Variants in SPOCK1 observed in about 807,000 individuals in gnomAD.
SPOCK1 encodes the protein testican-1.
SPOCK1 carries 23 observed loss-of-function variants against 55.3 expected under a neutral mutation model. The ratio of observed to expected loss-of-function variants is 0.42; its 90% confidence interval spans 0.30 to 0.59. The LOEUF is 0.59. Ranked by LOEUF, SPOCK1 falls within the 20% of genes least tolerant of loss-of-function variation. The pLI is 0.22. For synonymous variants in SPOCK1, 226 were observed against 221.0 expected (o/e 1.02, Z -0.20); for missense variants, 499 against 552.5 (o/e 0.90, Z 0.97).
intron 2 of SPOCK1, among the ~76,000 whole-genome samples, chr5:137,330,101 T>C (rs1436385308): frequency 2.6e-5 from 4 of 152,160 alleles, no homozygotes; most frequent in Non-Finnish European, 5.9e-5. Context: ...TATTTCATCA[T>C]GACGAGCTGC....
intron 2 of SPOCK1, among the ~76,000 whole-genome samples, chr5:137,283,749 G>A (rs1331971112): frequency 1.3e-5 from 2 of 151,836 alleles, no homozygotes; most frequent in Non-Finnish European, 2.9e-5. Context: ...AAAAAAACTA[G>A]TGTAGAGGTA....
chr5:137,408,745 C>A (rs1281563437), intron 2 of SPOCK1, among the ~76,000 whole-genome samples: 1 of 152,168 alleles, frequency 6.6e-6, no homozygotes, highest in Non-Finnish European at 1.5e-5. Flanking sequence ...CCAGCCTCCA[C>A]CAACAGCCAA....
Position 137,056,595 on chromosome 5 carries a change from TA to T in SPOCK1, c.589+11119del, listed in dbSNP as rs1463278670. Among the ~76,000 whole-genome samples the T allele has an allele frequency of 6.1e-4, 88 of 143,224 alleles. 2 individuals carry two copies. Among genetic ancestry groups the T allele is most frequent in the African/African-American group, 2.2e-3 (88 of 40,650 alleles). 94.0% of individuals were successfully genotyped at this position (143,224 alleles called of 152,430 possible). On this transcript the variant is annotated intron_variant, in intron 6 of 10. Coordinates refer to ENST00000394945, the MANE Select transcript of SPOCK1 (RefSeq NM_004598.4). The stretch of plus-strand genomic sequence containing the variant: ...AGTAGCCCTCATAAAAAAGGACTTT[TA>T]TTTTTTTTTTTAACTTAGTTTTTTT...
intron 2 of SPOCK1, among the ~76,000 whole-genome samples, chr5:137,356,838 TAGAGAGAGAGAG>T (rs1177060339): frequency 3.7e-4 from 2 of 5,452 alleles, no homozygotes; most frequent in Non-Finnish European, 6.2e-4. Flanking sequence ...TATATATATA[TAGAGAGAGAGAG>T]AGAGAGAGAG....
chr5:137,377,226 A>G lies in SPOCK1; in HGVS notation c.187-110171T>C, dbSNP rs140331385. Among the ~76,000 whole-genome samples, 410 of 152,346 alleles carry G rather than the reference A, an allele frequency of 2.7e-3. 1 individual carries two copies. The highest frequency in any genetic ancestry group is 9.1e-3 in the African/African-American group (380 of 41,586). ...GCACTGTATCAGGAAATGGCCCCAC[A>G]CAGGTTACTGGGCAAGGCAGTGATG... On this transcript the variant is annotated intron_variant, in intron 2 of 10. Transcript: ENST00000394945.
chr5:137,266,192 T>C (rs1334267775), intron 3 of SPOCK1, among the ~76,000 whole-genome samples: 1 of 152,190 alleles, frequency 6.6e-6, no homozygotes, highest in Middle Eastern at 3.2e-3. Flanking sequence ...TCACATCGAA[T>C]ACTCACATTA....
chr5:137,121,036 A>G (rs1240195637), intron 4 of SPOCK1, among the ~76,000 whole-genome samples: 1 of 152,230 alleles, frequency 6.6e-6, no homozygotes, highest in Non-Finnish European at 1.5e-5. Flanking sequence ...AAGCTAAGCT[A>G]TCAAAGCTGA....
At chr5:137,418,048 T>C (rs1166193427) in intron 2 of SPOCK1, among the ~76,000 whole-genome samples, 1 of 152,110 alleles carries the variant, frequency 6.6e-6, no homozygotes, top group African/African-American at 2.4e-5. Context: ...AGTGAGAACA[T>C]GTGGTGTTTG....
intron 3 of SPOCK1, among the ~76,000 whole-genome samples, chr5:137,197,954 T>C (rs1263726560): frequency 6.6e-6 from 1 of 152,222 alleles, no homozygotes; most frequent in East Asian, 1.9e-4. Flanking sequence ...GTAAAACTTC[T>C]TAAAGTCAGA....
chr5:137,297,225 T>C (rs1757506541), intron 2 of SPOCK1, among the ~76,000 whole-genome samples: 2 of 152,240 alleles, frequency 1.3e-5, no homozygotes, highest in Admixed American at 1.3e-4. Flanking sequence ...AGTGTGTATG[T>C]GTCTACTTAT....
intron 3 of SPOCK1, among the ~76,000 whole-genome samples, chr5:137,152,149 C>T (rs1754329023): frequency 6.6e-6 from 1 of 152,220 alleles, no homozygotes; most frequent in Non-Finnish European, 1.5e-5. Context: ...GCATCCCCCA[C>T]TATAGGAACT....
chr5:137,438,949 C>T (rs540261661), intron 2 of SPOCK1, among the ~76,000 whole-genome samples: 14 of 152,320 alleles, frequency 9.2e-5, no homozygotes, highest in Admixed American at 1.3e-4. Context: ...CAACTCAACA[C>T]GTGACTTAAG....
At chr5:137,145,695 G>A (rs1005544730) in intron 3 of SPOCK1, among the ~76,000 whole-genome samples, 10 of 152,228 alleles carry the variant, frequency 6.6e-5, no homozygotes, top group Admixed American at 3.3e-4. Context: ...GGGGTTCACC[G>A]TTGAACATAG....
At chr5:137,152,834 C>T (rs1364744559) in intron 3 of SPOCK1, among the ~76,000 whole-genome samples, 1 of 152,184 alleles carries the variant, frequency 6.6e-6, no homozygotes, top group Non-Finnish European at 1.5e-5. Flanking sequence ...ATCTGAGGTG[C>T]TTTCATGTCT....
At chr5:137,114,612 T>G (rs1753542808) in intron 4 of SPOCK1, among the ~76,000 whole-genome samples, 1 of 152,200 alleles carries the variant, frequency 6.6e-6, no homozygotes, top group African/African-American at 2.4e-5. Flanking sequence ...TCTAGGATAC[T>G]GATAAAGGGA....
chr5:137,315,996 G>C (rs974044219), intron 2 of SPOCK1, among the ~76,000 whole-genome samples: 1 of 152,156 alleles, frequency 6.6e-6, no homozygotes, highest in Non-Finnish European at 1.5e-5. Flanking sequence ...GTTGTTGAAG[G>C]CTTGGCTGGT....
At chr5:137,372,838 G>T (rs1008162941) in intron 2 of SPOCK1, among the ~76,000 whole-genome samples, 1 of 152,200 alleles carries the variant, frequency 6.6e-6, no homozygotes, top group Non-Finnish European at 1.5e-5. Flanking sequence ...GCCACTCTCC[G>T]CCTGCATCTC....
chr5:137,393,684 A>G (rs577635800), intron 2 of SPOCK1, among the ~76,000 whole-genome samples: 52 of 152,348 alleles, frequency 3.4e-4, no homozygotes, highest in Non-Finnish European at 6.2e-4. Context: ...CTGCAATTAC[A>G]TATTTCTAAT....
chr5:137,230,433 CAT>C (rs1256205015), intron 3 of SPOCK1, among the ~76,000 whole-genome samples: 2 of 152,178 alleles, frequency 1.3e-5, no homozygotes, highest in African/African-American at 4.8e-5. Flanking sequence ...AGCAAACACT[CAT>C]AGGTAATGTT....
Sources: gnomAD v4.1 joint callset for allele counts (sites outside exome capture counted in the v4.1 genomes callset) on GRCh38, gnomAD v4.1.1 for gene constraint, MANE v1.5 for transcripts, NCBI Gene and HGNC (gene_info 2026-07-23, HGNC 2026-07-21) for gene names.